The following UBOX5 variants were observed in gnomAD, a reference collection of about 807,000 sequenced individuals.
UBOX5 encodes the protein RING finger protein 37.
UBOX5 carries 28 observed loss-of-function variants against 39.0 expected under a neutral mutation model. The ratio of observed to expected loss-of-function variants is 0.72; its 90% CI spans 0.53 to 0.98. UBOX5 has a LOEUF of 0.98. Among genes scored for constraint, UBOX5 ranks in the 50% least tolerant of loss-of-function variants. The pLI, the probability that UBOX5 is intolerant of heterozygous loss-of-function variation, is 0.00. For synonymous variants in UBOX5, 283 were observed against 275.5 expected (o/e 1.03, Z -0.27); for missense variants, 585 against 674.4 (o/e 0.87, Z 1.47).
At chr20:3,135,517 T>C (rs2066462923) in intron 1 of UBOX5, among the ~76,000 whole-genome samples, 1 of 152,150 alleles carries the variant, frequency 6.6e-6, no homozygotes, top group African/African-American at 2.4e-5. Context: ...TTGAACGTCA[T>C]GCCAAAAAGT....
intron 1 of UBOX5, among the ~76,000 whole-genome samples, chr20:3,127,713 T>C (rs534529703): frequency 3.6e-4 from 55 of 152,336 alleles, no homozygotes; most frequent in Non-Finnish European, 6.6e-4. Flanking sequence ...CACCCAAACA[T>C]TTATACACGA....
chr20:3,120,219 C>T (rs113048915), intron 3 of UBOX5, among the ~76,000 whole-genome samples: 10,948 of 151,250 alleles, frequency 0.072, 508 homozygotes, highest in Middle Eastern at 0.12. Flanking sequence ...TGGTGGCGCG[C>T]GTCTGTAATC....
At chr20:3,123,990 C>T (rs1230605837) in intron 1 of UBOX5, among the ~76,000 whole-genome samples, 1 of 151,924 alleles carries the variant, frequency 6.6e-6, no homozygotes, top group African/African-American at 2.4e-5. Context: ...AAGTTCAAGA[C>T]CAGCCTGGGA....
chr20:3,130,569 T>C (rs1247542788), intron 1 of UBOX5, among the ~76,000 whole-genome samples: 1 of 152,104 alleles, frequency 6.6e-6, no homozygotes, highest in East Asian at 1.9e-4. Flanking sequence ...TTTGTCATTA[T>C]TTTTTCCTTT....
chr20:3,148,517 G>C (rs375942300), intron 1 of UBOX5: 9 of 1,613,990 alleles, frequency 5.6e-6, no homozygotes, highest in Non-Finnish European at 6.8e-6. Context: ...AGCAAAGCTG[G>C]TACTGCCCAG....
chr20:3,134,357 A>C (rs2148607027), intron 1 of UBOX5, among the ~76,000 whole-genome samples: 1 of 152,300 alleles, frequency 6.6e-6, no homozygotes, highest in South Asian at 2.1e-4. Flanking sequence ...TGCTGCAATA[A>C]ACATTCTCTA....
chr20:3,125,915 C>T (rs1428328189), intron 1 of UBOX5, among the ~76,000 whole-genome samples: 9 of 151,650 alleles, frequency 5.9e-5, no homozygotes, highest in South Asian at 2.1e-4. Flanking sequence ...TCTGCCCAGC[C>T]GCCCCGTCTG....
Position 3,145,676 on chromosome 20 carries a change from A to G in UBOX5, c.-42+14090T>C, listed in dbSNP as rs115370939. Among the ~76,000 whole-genome samples the G allele has an allele frequency of 4.9e-3, 751 of 152,170 alleles. 5 individuals are homozygous for G. Among genetic ancestry groups the G allele is most frequent in the African/African-American group, 0.017 (716 of 41,534 alleles). On this transcript the variant is annotated intron_variant, in intron 1 of 4. Coordinates refer to ENST00000217173, the MANE Select transcript of UBOX5 (RefSeq NM_014948.4). ...GGTCTCAAACTCCTGGACTCAAGCA[A>G]TCTTCCCACTTTGGCCTCCTAAAGG...
intron 4 of UBOX5, among the ~76,000 whole-genome samples, chr20:3,111,069 C>T (rs2066250367): frequency 6.6e-6 from 1 of 152,134 alleles, no homozygotes. Flanking sequence ...TCTCGGCAGG[C>T]TCTCCCTTCT....
chr20:3,148,789 G>GC, intron 1 of UBOX5: 1 of 1,614,240 alleles, frequency 6.2e-7, no homozygotes, highest in Non-Finnish European at 8.5e-7. Flanking sequence ...CCCTGGGTGA[G>GC]CCCAGCTGCA....
chr20:3,144,021 C>T (rs1185983739), intron 1 of UBOX5, among the ~76,000 whole-genome samples: 1 of 151,970 alleles, frequency 6.6e-6, no homozygotes, highest in Non-Finnish European at 1.5e-5. Flanking sequence ...ATAAAACATT[C>T]CTGAATTAAA....
At chr20:3,118,924 G>C (rs1015042239) in intron 3 of UBOX5, among the ~76,000 whole-genome samples, 1 of 152,152 alleles carries the variant, frequency 6.6e-6, no homozygotes, top group African/African-American at 2.4e-5. Flanking sequence ...GAGTGACACA[G>C]TGAGACTCCA....
At position 3,112,353 on chromosome 20, in the gene UBOX5, T is replaced by C. The variant is rs1048208745; in HGVS notation, c.1418-2039A>G. On this transcript the variant is annotated intron_variant, in intron 4 of 4. Coordinates refer to ENST00000217173, the MANE Select transcript of UBOX5 (RefSeq NM_014948.4). ...CCACAGAAGCATGCAAGGGCCCCAATTGCCCCCAGCACTGACCAGAAGTCC... is the reference window on the plus strand; with the variant it reads ...CCACAGAAGCATGCAAGGGCCCCAACTGCCCCCAGCACTGACCAGAAGTCC... Among the ~76,000 whole-genome samples the C allele has an allele frequency of 2.7e-5, 4 of 150,874 alleles. No individual in the cohort carries two copies. In the Admixed American group the frequency reaches 2.7e-4, roughly 10 times the overall value.
chr20:3,112,331 C>T (rs1327171240), intron 4 of UBOX5, among the ~76,000 whole-genome samples: 2 of 151,316 alleles, frequency 1.3e-5, no homozygotes, highest in East Asian at 3.9e-4. Flanking sequence ...CACAACACCA[C>T]AGAAGCATGC....
chr20:3,121,456 T>C lies in UBOX5; in HGVS notation c.1183A>G (p.Thr395Ala). Residue 395 changes from threonine (T) to alanine (A), a missense_variant, in exon 3 of 5, where the codon ACC (threonine) becomes GCC (alanine). Thr to Ala is a moderately conservative substitution (Grantham distance 58, BLOSUM62 0). Coordinates refer to ENST00000217173, the MANE Select transcript of UBOX5 (RefSeq NM_014948.4). ...SATSPLVLPT[T>A]SEHTAKKMKA... is the part of the protein sequence containing the mutation. ...ATTTTCTTAGCAGTGTGCTCTGAGG[T>C]AGTGGGTAAGACCAAAGGGCTTGTG... 1.2e-6 allele frequency: 2 copies of C among 1,613,796 alleles called. No homozygotes were observed. The highest frequency in any genetic ancestry group is 8.5e-7 in the Non-Finnish European group (1 of 1,179,952).
At chr20:3,151,729 T>C (rs1032935414) in intron 1 of UBOX5, 1 of 152,140 alleles carries the variant, frequency 6.6e-6, no homozygotes, top group Admixed American at 6.5e-5. Flanking sequence ...AATATTTAGA[T>C]GATAATTGAA....
intron 1 of UBOX5, chr20:3,147,191 T>A (rs2148618964): frequency 2.5e-6 from 4 of 1,614,124 alleles, no homozygotes; most frequent in Non-Finnish European, 2.5e-6. Context: ...CATCAAATCA[T>A]CTGTAAGGCT....
Position 3,115,462 on chromosome 20 carries a change from T to A in UBOX5, c.1260A>T (p.Pro420=). 3 of 1,612,576 alleles carry A rather than the reference T, an allele frequency of 1.9e-6. No homozygotes were observed. The change falls in exon 4 of 5, where the codon CCA becomes CCT. Residue 420 remains proline, a synonymous_variant. Transcript: ENST00000217173. ...SLTHMDCSTG[P]LSHEQKLSQS... is the part of the protein sequence containing the mutation. ...GTGACAGCTTCTGCTCGTGGGACAG[T>A]GGACCTGTCGAGAGATGCGCACAGC...
At chr20:3,115,125 C>T (rs931226647) in intron 4 of UBOX5, among the ~76,000 whole-genome samples, 180 bp downstream of exon 4, 14 of 152,126 alleles carry the variant, frequency 9.2e-5, no homozygotes, top group African/African-American at 3.4e-4. Context: ...TCATAGGCAG[C>T]CCCTCAACTA....
Sources: allele counts gnomAD v4.1 joint callset (sites outside exome capture counted in the v4.1 genomes callset), GRCh38; gene constraint gnomAD v4.1.1; transcripts MANE v1.5; gene names NCBI Gene and HGNC (gene_info 2026-07-23, HGNC 2026-07-21).